The following ARHGAP15 variants were observed in gnomAD, a reference collection of about 807,000 sequenced individuals.
ARHGAP15 encodes the protein Rho GTPase activating protein 15.
ARHGAP15 carries 51 observed loss-of-function variants against 63.7 expected under a neutral mutation model. That is an observed-to-expected ratio of 0.80 (90% CI 0.64 to 1.01). The LOEUF (loss-of-function observed/expected upper bound fraction) is 1.01. Among genes scored for constraint, ARHGAP15 ranks in the 50% least tolerant of loss-of-function variants. The probability of loss-of-function intolerance (pLI) is 0.00; values close to 1 mark genes in which losing one functional copy is unlikely to be tolerated. For missense variants in ARHGAP15, 560 were observed against 564.6 expected (o/e 0.99, Z 0.08); for synonymous variants, 191 against 193.8 (o/e 0.99, Z 0.12).
intron 2 of ARHGAP15, among the ~76,000 whole-genome samples, chr2:143,196,181 A>C (rs555133044): frequency 6.6e-6 from 1 of 152,202 alleles, no homozygotes; most frequent in African/African-American, 2.4e-5. Context: ...TAGAAAGCTA[A>C]GTACCTGGGG....
intron 11 of ARHGAP15, among the ~76,000 whole-genome samples, chr2:143,594,484 T>G (rs1001414628): frequency 1.3e-5 from 2 of 152,156 alleles, no homozygotes; most frequent in Non-Finnish European, 2.9e-5. Flanking sequence ...AAAGGGGTTA[T>G]AGTATCCCAG....
intron 9 of ARHGAP15, among the ~76,000 whole-genome samples, chr2:143,516,322 T>G (rs545317392): frequency 1.8e-4 from 28 of 152,288 alleles, no homozygotes; most frequent in Non-Finnish European, 2.2e-4. Flanking sequence ...TGTCTGTATC[T>G]TCTCATATCC....
At chr2:143,528,369 C>T (rs1302791289) in intron 10 of ARHGAP15, among the ~76,000 whole-genome samples, 1 of 152,020 alleles carries the variant, frequency 6.6e-6, no homozygotes, top group African/African-American at 2.4e-5. Flanking sequence ...GTGAATATAT[C>T]ACCCTCTTGA....
Position 143,739,625 on chromosome 2 carries a change from T to C in ARHGAP15, c.1245-28364T>C, listed in dbSNP as rs75155718. Among the ~76,000 whole-genome samples, 1,181 of 152,334 alleles carry C rather than the reference T, an allele frequency of 7.8e-3. 17 individuals carry two copies. Among genetic ancestry groups the C allele is most frequent in the African/African-American group, 0.027 (1,118 of 41,584 alleles). ...GGTTGATATTTTCTTGAGGTATTTC[T>C]GGTCTGATTTCCTGCTACCCTTGAA... is the stretch of plus-strand genomic sequence containing the variant. On this transcript the variant is annotated intron_variant, in intron 13 of 13. Coordinates refer to ENST00000295095, the MANE Select transcript of ARHGAP15 (RefSeq NM_018460.4).
intron 8 of ARHGAP15, 73 bp from the exon 9 acceptor site, chr2:143,487,300 A>T: frequency 6.6e-7 from 1 of 1,515,994 alleles, no homozygotes; most frequent in Non-Finnish European, 8.9e-7. Flanking sequence ...ACTGTTTTCT[A>T]TTCAGATTTG....
At chr2:143,699,624 G>A (rs1401332692) in intron 12 of ARHGAP15, among the ~76,000 whole-genome samples, 1 of 152,160 alleles carries the variant, frequency 6.6e-6, no homozygotes, top group Non-Finnish European at 1.5e-5. Context: ...TTAGGTTGTT[G>A]TGTAATGTTG....
At chr2:143,402,026 C>T (rs1395105283) in intron 6 of ARHGAP15, among the ~76,000 whole-genome samples, 1 of 151,750 alleles carries the variant, frequency 6.6e-6, no homozygotes, top group Non-Finnish European at 1.5e-5. Context: ...ACAGACAGAA[C>T]AGAAGAAAGA....
At chr2:143,711,683 C>A (rs572918223) in intron 13 of ARHGAP15, among the ~76,000 whole-genome samples, 53 of 152,312 alleles carry the variant, frequency 3.5e-4, no homozygotes, top group African/African-American at 1.2e-3. Flanking sequence ...AATCCTAGCA[C>A]TTTCAGCGGT....
chr2:143,622,018 G>A (rs1004592847), intron 11 of ARHGAP15, among the ~76,000 whole-genome samples: 2 of 151,744 alleles, frequency 1.3e-5, no homozygotes, highest in Admixed American at 6.6e-5. Flanking sequence ...GTGTGTGTGT[G>A]TTTGTGTGTG....
intron 1 of ARHGAP15, among the ~76,000 whole-genome samples, chr2:143,153,547 T>C (rs186537294): frequency 2.0e-4 from 31 of 152,058 alleles, no homozygotes; most frequent in African/African-American, 7.5e-4. Flanking sequence ...TGAAGAATCA[T>C]AAAGTGCAAG....
At chr2:143,574,274 A>T (rs1696579815) in intron 11 of ARHGAP15, among the ~76,000 whole-genome samples, 10 of 152,240 alleles carry the variant, frequency 6.6e-5, no homozygotes, top group Admixed American at 6.6e-4. Context: ...AAGAGGTGGC[A>T]ACCTTGACTA....
At chr2:143,263,309 G>A (rs1680823191) in intron 6 of ARHGAP15, among the ~76,000 whole-genome samples, 1 of 152,108 alleles carries the variant, frequency 6.6e-6, no homozygotes, top group African/African-American at 2.4e-5. Flanking sequence ...TGGTAGGGCA[G>A]GCAGAGACAC....
chr2:143,467,987 G>A (rs890713047), intron 8 of ARHGAP15, among the ~76,000 whole-genome samples: 2 of 152,060 alleles, frequency 1.3e-5, no homozygotes, highest in African/African-American at 4.8e-5. Context: ...AATGATTTGA[G>A]TATGTTCGTT....
chr2:143,766,091 G>A (rs1462655621), intron 13 of ARHGAP15, among the ~76,000 whole-genome samples: 1 of 152,054 alleles, frequency 6.6e-6, no homozygotes, highest in African/African-American at 2.4e-5. Context: ...GAGATGGACG[G>A]CATGGCCTCT....
At chr2:143,659,179 T>C (rs1681612929) in intron 12 of ARHGAP15, among the ~76,000 whole-genome samples, 1 of 152,198 alleles carries the variant, frequency 6.6e-6, no homozygotes, top group Non-Finnish European at 1.5e-5. Flanking sequence ...AGGTGTGATG[T>C]GACTTTTCTA....
intron 5 of ARHGAP15, among the ~76,000 whole-genome samples, chr2:143,246,483 GAA>G (rs900839621): frequency 2.0e-5 from 3 of 151,964 alleles, no homozygotes; most frequent in African/African-American, 7.3e-5. Context: ...GCAAGAGGAA[GAA>G]GAGAAAGTGA....
chr2:143,427,336 C>A (rs1198865320), intron 6 of ARHGAP15, among the ~76,000 whole-genome samples: 1 of 152,102 alleles, frequency 6.6e-6, no homozygotes, highest in Non-Finnish European at 1.5e-5. Context: ...GTAACTACTA[C>A]CTCCTCCCAC....
At chr2:143,710,154 CTCT>C (rs1342596216) in intron 13 of ARHGAP15, among the ~76,000 whole-genome samples, 1 of 137,230 alleles carries the variant, frequency 7.3e-6, no homozygotes, top group African/African-American at 2.4e-5. Flanking sequence ...CTTTTACTCT[CTCT>C]TTTCTTTTTT....
intron 2 of ARHGAP15, among the ~76,000 whole-genome samples, chr2:143,178,310 A>G (rs1691088016): frequency 6.6e-6 from 1 of 152,234 alleles, no homozygotes; most frequent in South Asian, 2.1e-4. Context: ...AATGAGAAAT[A>G]CAAAAGTATT....
Sources: gnomAD v4.1 joint callset for allele counts (sites outside exome capture counted in the v4.1 genomes callset) on GRCh38, gnomAD v4.1.1 for gene constraint, MANE v1.5 for transcripts, NCBI Gene and HGNC (gene_info 2026-07-23, HGNC 2026-07-21) for gene names.